RNPS1: variants seen among roughly 807,000 people sequenced by gnomAD.
RNPS1 encodes the protein RNA binding protein with serine rich domain 1, also known as RNA-binding protein with serine-rich domain 1.
For missense variants in RNPS1, 300 were observed against 427.6 expected (o/e 0.70, Z 2.63); for synonymous variants, 147 against 150.0 (o/e 0.98, Z 0.15).
chr16:2,264,358 T>G, intron 2 of RNPS1, 27 bp from the exon 3 acceptor site: 1 of 1,613,902 alleles, frequency 6.2e-7, no homozygotes, highest in Non-Finnish European at 8.5e-7. Context: ...AGTGTGAGAT[T>G]GCGTGCTCCT....
At chr16:2,263,981 C>T (rs1465446495) in intron 3 of RNPS1, 195 bp downstream of exon 3, 5 of 605,232 alleles carry the variant, frequency 8.3e-6, no homozygotes, top group African/African-American at 3.7e-5. Context: ...CCTCCTGCCT[C>T]GGCCTCCCAA....
Position 2,262,260 on chromosome 16 carries a change from T to G in RNPS1, c.676+18A>C, listed in dbSNP as rs772182921. The G allele has an allele frequency of 5.6e-6, 9 of 1,611,294 alleles. No individual in the cohort carries two copies. The highest frequency in any genetic ancestry group is 7.6e-6 in the Non-Finnish European group (9 of 1,179,134). On this transcript the variant is annotated intron_variant, in intron 6 of 7. Transcript: ENST00000320225. The stretch of plus-strand genomic sequence containing the variant: ...GCGGGTCTCTGAGAGGTCAGGGTTA[T>G]GTGGCAGGGTCACCCACCTCCATCC...
chr16:2,267,456 CTCGGTCCATAGTGGGCCGTAT>C (rs1238104308), intron 1 of RNPS1: 1 of 966,172 alleles, frequency 1.0e-6, no homozygotes, highest in Non-Finnish European at 1.2e-6. Context: ...GGCCACCGTG[CTCGGTCCATAGTGGGCCGTAT>C]CCCCACGGCC....
intron 4 of RNPS1, 46 bp from the exon 5 acceptor site, chr16:2,262,888 A>G: frequency 6.5e-7 from 1 of 1,535,856 alleles, no homozygotes; most frequent in Non-Finnish European, 9.0e-7. Context: ...GTCAAGTCAA[A>G]ATGTACTAGA....
intron 3 of RNPS1, 100 bp downstream of exon 3, chr16:2,264,076 G>A: frequency 7.0e-7 from 1 of 1,422,834 alleles, no homozygotes. Flanking sequence ...CAGAGGATGT[G>A]TTTTCTTTGT....
chr16:2,262,753 C>T lies in RNPS1; in HGVS notation c.509G>A (p.Arg170Gln), dbSNP rs562706355. 4.3e-6 allele frequency: 7 copies of T among 1,612,496 alleles called. No homozygotes were observed. Among genetic ancestry groups the T allele is most frequent in the South Asian group, 1.1e-5 (1 of 91,026 alleles). Residue 170 changes from arginine (R) to glutamine (Q), a missense_variant, in exon 5 of 8, where the codon CGG (arginine) becomes CAG (glutamine). Coordinates refer to ENST00000320225, the MANE Select transcript of RNPS1 (RefSeq NM_080594.4). ...PTKVHIGRLT[R>Q]NVTKDHIMEI... ...CATGATCCTCACCTTTGTCACATTC[C>T]GGGTGAGTCTCCCAATGTGCACTTT...
Position 2,255,576 on chromosome 16 carries a change from A to G in RNPS1, c.818+9T>C. On this transcript the variant is annotated intron_variant, in intron 7 of 7. Transcript: ENST00000320225. ...CCTGATCAGTCCACTGAAACTACAA[A>G]TTGTTTACCTTCTCCTCATCCGTGG... The G allele has an allele frequency of 6.4e-7, 1 of 1,563,484 alleles. No individual in the cohort carries two copies.
intron 1 of RNPS1, chr16:2,266,170 G>A: frequency 1.0e-6 from 1 of 985,446 alleles, no homozygotes; most frequent in African/African-American, 1.7e-5. Context: ...TGGTTTCCCT[G>A]TGCAGTGCAC....
chr16:2,254,285 G>A (rs1190493530), intron 7 of RNPS1, among the ~76,000 whole-genome samples: 4 of 152,072 alleles, frequency 2.6e-5, no homozygotes, highest in Admixed American at 2.0e-4. Flanking sequence ...ACAGGCGCGC[G>A]CCACCACGCC....
intron 6 of RNPS1, among the ~76,000 whole-genome samples, chr16:2,260,454 G>A (rs1008375706): frequency 5.3e-5 from 8 of 152,116 alleles, no homozygotes; most frequent in Admixed American, 2.6e-4. Context: ...AGTTATTTGC[G>A]TAAGTGCAAT....
chr16:2,264,030 G>T, intron 3 of RNPS1, 146 bp downstream of exon 3: 1 of 966,306 alleles, frequency 1.0e-6, no homozygotes, highest in Non-Finnish European at 1.5e-6. Context: ...ACTGCACCTA[G>T]CCAGTCTGCC....
intron 5 of RNPS1, 34 bp downstream of exon 5, chr16:2,262,706 C>A: frequency 6.4e-7 from 1 of 1,567,326 alleles, no homozygotes; most frequent in Non-Finnish European, 8.8e-7. Context: ...TTGTCCACAC[C>A]CCACTGCCCA....
At chr16:2,260,507 G>A (rs1345593102) in intron 6 of RNPS1, among the ~76,000 whole-genome samples, 3 of 151,906 alleles carry the variant, frequency 2.0e-5, no homozygotes, top group South Asian at 2.1e-4. Flanking sequence ...ATAAAAAACC[G>A]GCCTCCTATT....
chr16:2,267,470 G>A, intron 1 of RNPS1: 2 of 977,348 alleles, frequency 2.0e-6, no homozygotes, highest in Non-Finnish European at 2.4e-6. Flanking sequence ...GTCCATAGTG[G>A]GCCGTATCCC....
chr16:2,255,999 C>G, intron 6 of RNPS1: 1 of 406,580 alleles, frequency 2.5e-6, no homozygotes, highest in South Asian at 2.3e-5. Flanking sequence ...GTGGCGGGCG[C>G]CTATAGTACC....
At position 2,253,133 on chromosome 16, in the gene RNPS1, CTTGGG is replaced by C. The variant is rs2093558712; in HGVS notation, c.*826_*830del. Reference sequence around the variant, plus strand: ...CCCAGAACTAGATTTGCATTCCGATCTTGGGTTTATTCAACACAATTCTTCCACTC... The same window carrying C: ...CCCAGAACTAGATTTGCATTCCGATCTTTATTCAACACAATTCTTCCACTC... On this transcript the variant is annotated 3_prime_UTR_variant, in exon 8 of 8. Transcript: ENST00000320225. 1 of 152,576 alleles carries C rather than the reference CTTGGG, an allele frequency of 6.6e-6. No homozygotes were observed. The highest frequency in any genetic ancestry group is 2.1e-4 in the South Asian group (1 of 4,834). 9.5% of individuals were successfully genotyped at this position (152,576 alleles called of 1,614,324 possible).
chr16:2,253,921 G>C lies in RNPS1; in HGVS notation c.*43C>G. 6.7e-7 allele frequency: 1 copy of C among 1,496,458 alleles called. No homozygotes were observed. The highest frequency in any genetic ancestry group is 9.1e-7 in the Non-Finnish European group (1 of 1,096,832). 92.7% of individuals were successfully genotyped at this position (1,496,458 alleles called of 1,614,324 possible). ...GCTAGAAAAGTGACAAAACTGAGCT[G>C]GGTGGGGTATAAGTTACAGGGGCGA... On this transcript the variant is annotated 3_prime_UTR_variant, in exon 8 of 8. Transcript: ENST00000320225.
chr16:2,268,124 G>C lies in RNPS1; in HGVS notation c.-187C>G. On this transcript the variant is annotated 5_prime_UTR_variant, in exon 1 of 8. Transcript: ENST00000320225. ...AGGCCGGCGCCGCTCTGACGTCAGA[G>C]TCAAGGAGCGGGAAGTCGCCGCCGC... 1.3e-6 allele frequency: 2 copies of C among 1,532,694 alleles called. No homozygotes were observed. Among genetic ancestry groups the C allele is most frequent in the East Asian group, 2.5e-5 (1 of 40,814 alleles). 94.9% of individuals were successfully genotyped at this position (1,532,694 alleles called of 1,614,324 possible).
In RNPS1 at chr16:2,263,166, AGCTGGAGCT is replaced by A. The variant is rs766290944; in HGVS notation, c.340_348del (p.Ser119_Ser121del). The A allele has an allele frequency of 1.2e-6, 2 of 1,613,848 alleles. No homozygotes were observed. Reference sequence around the variant, plus strand: ...CTTGGAGAGCCAGAAGAGCTGCTAGAGCTGGAGCTGCGGGAGGTGCTGGAGCTTCCTGAG... The same window carrying A: ...CTTGGAGAGCCAGAAGAGCTGCTAGAGCGGGAGGTGCTGGAGCTTCCTGAG... On this transcript the variant is annotated inframe_deletion, in exon 4 of 8. Transcript: ENST00000320225.
Sources: allele counts gnomAD v4.1 joint callset (sites outside exome capture counted in the v4.1 genomes callset), GRCh38; gene constraint gnomAD v4.1.1; transcripts MANE v1.5; gene names NCBI Gene and HGNC (gene_info 2026-07-23, HGNC 2026-07-21).